Variants in KCTD1 observed in about 807,000 individuals in gnomAD.
The protein encoded by KCTD1 is BTB/POZ domain-containing protein KCTD1.
A neutral mutation model predicts 66.0 loss-of-function variants in KCTD1; 24 were observed. That is an observed-to-expected ratio of 0.36 (90% CI 0.26 to 0.51). The LOEUF is 0.51. Among genes scored for constraint, KCTD1 ranks in the 20% least tolerant of loss-of-function variants. KCTD1 has a pLI of 0.95. For synonymous variants in KCTD1, 511 were observed against 517.2 expected (o/e 0.99, Z 0.16); for missense variants, 943 against 1,205.2 (o/e 0.78, Z 3.22).
intron 2 of KCTD1, among the ~76,000 whole-genome samples, chr18:26,489,565 A>G (rs1982086877): frequency 6.6e-6 from 1 of 152,168 alleles, no homozygotes; most frequent in East Asian, 1.9e-4. Flanking sequence ...TCAATCCTGA[A>G]TATTTAAATG....
intron 1 of KCTD1, among the ~76,000 whole-genome samples, chr18:26,628,567 A>C (rs1987551121): frequency 6.6e-6 from 1 of 152,158 alleles, no homozygotes; most frequent in Admixed American, 6.5e-5. Flanking sequence ...TTGGGAAATA[A>C]AATAGTAAAA....
chr18:26,558,951 GAGAAA>G (rs1188573228), intron 1 of KCTD1, among the ~76,000 whole-genome samples: 1 of 151,706 alleles, frequency 6.6e-6, no homozygotes, highest in Non-Finnish European at 1.5e-5. Flanking sequence ...AAAAAAAAAA[GAGAAA>G]AGAAAAGAAT....
At chr18:26,463,812 C>T (rs768242007) in intron 3 of KCTD1, among the ~76,000 whole-genome samples, 2 of 152,224 alleles carry the variant, frequency 1.3e-5, no homozygotes, top group African/African-American at 2.4e-5. Context: ...GCCGGGATTA[C>T]AGGCGTGAGC....
chr18:26,619,634 G>A (rs1987329131), intron 1 of KCTD1, among the ~76,000 whole-genome samples: 1 of 152,188 alleles, frequency 6.6e-6, no homozygotes, highest in Admixed American at 6.5e-5. Context: ...ATTGCTTAAG[G>A]CCTGGGCACT....
chr18:26,567,489 T>G (rs1473049003), intron 1 of KCTD1, among the ~76,000 whole-genome samples: 6 of 42,746 alleles, frequency 1.4e-4, no homozygotes, highest in East Asian at 3.0e-4. Context: ...GTTGTTGTTG[T>G]TTTTTTTTTT....
At chr18:26,537,376 T>C (rs2144798257) in intron 1 of KCTD1, among the ~76,000 whole-genome samples, 1 of 152,308 alleles carries the variant, frequency 6.6e-6, no homozygotes, top group South Asian at 2.1e-4. Flanking sequence ...CAAAAACCTA[T>C]TCCATAAGGA....
upstream of KCTD1, among the ~76,000 whole-genome samples, chr18:26,633,069 C>T (rs1762948765): frequency 6.6e-6 from 1 of 151,814 alleles, no homozygotes; most frequent in South Asian, 2.1e-4. Context: ...TTACCTTACG[C>T]AACATGAGAG....
chr18:26,613,644 C>T (rs1987185762), intron 1 of KCTD1, among the ~76,000 whole-genome samples: 1 of 152,162 alleles, frequency 6.6e-6, no homozygotes. Context: ...TCCAAAATTT[C>T]CCAAGTATAA....
At chr18:26,601,874 G>C (rs1452335156) in intron 1 of KCTD1, among the ~76,000 whole-genome samples, 1 of 152,010 alleles carries the variant, frequency 6.6e-6, no homozygotes, top group African/African-American at 2.4e-5. Flanking sequence ...GAACTTGTTT[G>C]TTTTTATCAT....
chr18:26,593,547 G>GACA (rs374349886), intron 1 of KCTD1, among the ~76,000 whole-genome samples: 1 of 84,144 alleles, frequency 1.2e-5, no homozygotes, highest in Non-Finnish European at 2.4e-5. Flanking sequence ...GGAGGAAGAA[G>GACA]ACGAGGAGGA....
At chr18:26,527,029 G>C (rs1190407852) in intron 1 of KCTD1, among the ~76,000 whole-genome samples, 2 of 152,116 alleles carry the variant, frequency 1.3e-5, no homozygotes, top group East Asian at 3.9e-4. Flanking sequence ...CAAACTACCT[G>C]TTTTTAACTT....
chr18:26,509,531 A>C (rs1983228252), intron 1 of KCTD1, among the ~76,000 whole-genome samples: 1 of 152,160 alleles, frequency 6.6e-6, no homozygotes, highest in African/African-American at 2.4e-5. Context: ...TCTTTGTGTT[A>C]CTTATTCTTA....
chr18:26,516,082 G>A lies in KCTD1; in HGVS notation c.1810-14832C>T, dbSNP rs572195704. On this transcript the variant is annotated intron_variant, in intron 1 of 4. Transcript: ENST00000580059. ...AAGGGACAGACAGCAGCTCCAAAGA[G>A]GCCAAGAAGTGAGAAGAAAGGGAAG... Among the ~76,000 whole-genome samples the A allele has an allele frequency of 4.6e-5, 7 of 152,222 alleles. No homozygotes were observed. The South Asian group carries it at 1.5e-3, about 32-fold the overall frequency.
chr18:26,628,573 T>TAA (rs577338469), intron 1 of KCTD1, among the ~76,000 whole-genome samples: 9 of 145,018 alleles, frequency 6.2e-5, no homozygotes, highest in Admixed American at 5.5e-4. Context: ...AATAAAATAG[T>TAA]AAAAAAAAAA....
At chr18:26,645,680 GA>G (rs1278358904) in intron 1 of KCTD1, among the ~76,000 whole-genome samples, 1 of 152,176 alleles carries the variant, frequency 6.6e-6, no homozygotes, top group Admixed American at 6.5e-5. Context: ...TTACAGGCAT[GA>G]GCTGCCGTGC....
chr18:26,598,768 G>A (rs1224615554), intron 1 of KCTD1, among the ~76,000 whole-genome samples: 1 of 151,922 alleles, frequency 6.6e-6, no homozygotes, highest in Non-Finnish European at 1.5e-5. Flanking sequence ...ATCTTTTTAT[G>A]CGCTTATTGG....
At chr18:26,615,816 G>A (rs1363848034) in intron 1 of KCTD1, among the ~76,000 whole-genome samples, 1 of 152,156 alleles carries the variant, frequency 6.6e-6, no homozygotes, top group African/African-American at 2.4e-5. Flanking sequence ...TTGAGACAGA[G>A]TTTTGCTGTT....
chr18:26,481,080 G>A (rs969832137), intron 2 of KCTD1, among the ~76,000 whole-genome samples: 1 of 152,130 alleles, frequency 6.6e-6, no homozygotes, highest in Non-Finnish European at 1.5e-5. Flanking sequence ...TTTGTTTCTT[G>A]TGTAATCATT....
Position 26,455,670 on chromosome 18 carries a change from C to T in KCTD1, c.*73G>A. 5 of 1,597,952 alleles carry T rather than the reference C, an allele frequency of 3.1e-6. No homozygotes were observed. The highest frequency in any genetic ancestry group is 4.3e-6 in the Non-Finnish European group (5 of 1,169,074). ...AGGACTTGGTTTGCTGTCCCAACTG[C>T]ACATAAATGTCCCTTTTTTGTTTGA... On this transcript the variant is annotated 3_prime_UTR_variant, in exon 5 of 5. Transcript: ENST00000580059.
Sources: allele counts gnomAD v4.1 joint callset (sites outside exome capture counted in the v4.1 genomes callset), GRCh38; gene constraint gnomAD v4.1.1; transcripts MANE v1.5; gene names NCBI Gene and HGNC (gene_info 2026-07-23, HGNC 2026-07-21).